Variants in AFAP1 observed in about 807,000 individuals in gnomAD.
AFAP1 encodes actin filament associated protein 1.
Under a neutral mutation model 93.9 loss-of-function variants are expected in AFAP1, and 75 were observed. The observed-to-expected ratio is 0.80, with a 90% CI of 0.66 to 0.97. AFAP1 has a LOEUF of 0.97. AFAP1 is among the 50% of genes least tolerant of loss of function. AFAP1 has a pLI of 0.00. For missense variants in AFAP1, 1,201 were observed against 1,050.8 expected (o/e 1.14, Z -1.98); for synonymous variants, 517 against 430.7 (o/e 1.20, Z -2.48).
At chr4:7,801,237 A>G (rs989470951) in intron 9 of AFAP1, among the ~76,000 whole-genome samples, 3 of 152,232 alleles carry the variant, frequency 2.0e-5, no homozygotes, top group Non-Finnish European at 2.9e-5. Context: ...TTCCCACCTG[A>G]GGCTGAGGAC....
At chr4:7,868,394 T>C (rs1419483668) in intron 3 of AFAP1, among the ~76,000 whole-genome samples, 1 of 152,142 alleles carries the variant, frequency 6.6e-6, no homozygotes, top group Non-Finnish European at 1.5e-5. Flanking sequence ...TATGGTGGTG[T>C]GAGGCAGTGC....
intron 1 of AFAP1, among the ~76,000 whole-genome samples, chr4:7,927,492 C>T (rs1181231950): frequency 1.3e-5 from 2 of 152,168 alleles, no homozygotes; most frequent in Admixed American, 6.5e-5. Flanking sequence ...AGGAGTTCAA[C>T]GGACACGTAT....
At chr4:7,933,448 C>CT (rs1004094853) in intron 1 of AFAP1, among the ~76,000 whole-genome samples, 1 of 152,182 alleles carries the variant, frequency 6.6e-6, no homozygotes, top group African/African-American at 2.4e-5. Context: ...TGGCAAGCAC[C>CT]TGTAATCCCA....
At chr4:7,912,539 C>T (rs542305613) in intron 1 of AFAP1, among the ~76,000 whole-genome samples, 7 of 152,234 alleles carry the variant, frequency 4.6e-5, no homozygotes, top group South Asian at 2.1e-4. Context: ...ATTTTTCTGA[C>T]GGCTAATGAT....
At chr4:7,936,929 T>C (rs1163285826) in intron 1 of AFAP1, among the ~76,000 whole-genome samples, 1 of 152,162 alleles carries the variant, frequency 6.6e-6, no homozygotes, top group East Asian at 1.9e-4. Context: ...CAAAGCCAAG[T>C]ACATCTACTC....
rs114014983 is a variant in AFAP1, at chr4:7,771,968, G to A, written c.2253+852C>T. Among the ~76,000 whole-genome samples the A allele has an allele frequency of 7.7e-3, 1,175 of 152,282 alleles. 7 individuals are homozygous for A. Among genetic ancestry groups the A allele is most frequent in the Non-Finnish European group, 0.012 (808 of 68,018 alleles). On this transcript the variant is annotated intron_variant, in intron 16 of 17. Transcript: ENST00000420658. ...CAAGTGACTGAAACTCAGGGCTGCC[G>A]TCAACCCATAAATGTGTCAATCTTC...
chr4:7,898,162 C>T (rs557134278), intron 1 of AFAP1, among the ~76,000 whole-genome samples: 6 of 152,272 alleles, frequency 3.9e-5, no homozygotes, highest in African/African-American at 1.4e-4. Context: ...GTAATCCCAG[C>T]ACTTTGGTAG....
chr4:7,916,111 C>G (rs1720072397), intron 1 of AFAP1, among the ~76,000 whole-genome samples: 11 of 152,144 alleles, frequency 7.2e-5, no homozygotes, highest in Admixed American at 7.2e-4. Flanking sequence ...GTTCAGATAC[C>G]AGGAGCACCT....
intron 3 of AFAP1, among the ~76,000 whole-genome samples, chr4:7,864,853 C>A (rs578243831): frequency 6.6e-6 from 1 of 152,318 alleles, no homozygotes; most frequent in Admixed American, 6.5e-5. Flanking sequence ...TGGCTCATGC[C>A]TGTAATTCCA....
At chr4:7,896,591 A>C (rs1258904703) in intron 1 of AFAP1, among the ~76,000 whole-genome samples, 1 of 40,824 alleles carries the variant, frequency 2.4e-5, no homozygotes. Flanking sequence ...CTCAGTCCTC[A>C]CTCCCCCCAC....
At chr4:7,874,163 A>C (rs1283627387) in intron 1 of AFAP1, among the ~76,000 whole-genome samples, 1 of 152,180 alleles carries the variant, frequency 6.6e-6, no homozygotes, top group Non-Finnish European at 1.5e-5. Context: ...CCACCTAAAG[A>C]GCAAAATAAA....
At chr4:7,847,508 G>C (rs1420393092) in intron 4 of AFAP1, among the ~76,000 whole-genome samples, 3 of 152,204 alleles carry the variant, frequency 2.0e-5, no homozygotes, top group Non-Finnish European at 4.4e-5. Flanking sequence ...GAACTCTCTG[G>C]AAAGTATGCT....
chr4:7,838,994 T>C (rs1009775232), intron 5 of AFAP1, among the ~76,000 whole-genome samples: 2 of 152,236 alleles, frequency 1.3e-5, no homozygotes, highest in African/African-American at 2.4e-5. Flanking sequence ...ATACAGTTTA[T>C]GATCCGGTGG....
intron 6 of AFAP1, among the ~76,000 whole-genome samples, chr4:7,828,826 C>T (rs1194085917): frequency 2.0e-5 from 3 of 152,190 alleles, no homozygotes; most frequent in Non-Finnish European, 2.9e-5. Flanking sequence ...AGGTCATAGT[C>T]CCAGGAGTCT....
chr4:7,793,381 C>G (rs183916474), intron 11 of AFAP1, among the ~76,000 whole-genome samples: 13 of 152,162 alleles, frequency 8.5e-5, no homozygotes, highest in African/African-American at 2.9e-4. Context: ...CGTTTATGTA[C>G]GGTGTCCAGC....
chr4:7,780,314 G>C (rs918120596), intron 13 of AFAP1, among the ~76,000 whole-genome samples: 7 of 152,230 alleles, frequency 4.6e-5, no homozygotes, highest in African/African-American at 1.7e-4. Context: ...CTGTGCATTT[G>C]ATTTTTGATG....
At chr4:7,905,986 G>A (rs954415946) in intron 1 of AFAP1, among the ~76,000 whole-genome samples, 2 of 152,198 alleles carry the variant, frequency 1.3e-5, no homozygotes, top group Non-Finnish European at 2.9e-5. Context: ...GGCCAGCCTG[G>A]GGGCCTGCTG....
rs776763944 is a variant in AFAP1, at chr4:7,768,942, CGGTGTCACT to C, written c.2311_2319del (p.Ser771_Thr773del). On this transcript the variant is annotated inframe_deletion, in exon 17 of 18. Transcript: ENST00000420658. The stretch of plus-strand genomic sequence containing the variant: ...GCGCTGTTCACCGGCACGGGGCCCT[CGGTGTCACT>C]GGTGTCACAGCTGGAGATGGGCGAG... 2 of 1,613,798 alleles carry C rather than the reference CGGTGTCACT, an allele frequency of 1.2e-6. No individual in the cohort carries two copies. Among genetic ancestry groups the C allele is most frequent in the African/African-American group, 1.3e-5 (1 of 74,928 alleles).
intron 6 of AFAP1, among the ~76,000 whole-genome samples, chr4:7,821,999 G>T (rs760932596): frequency 2.4e-4 from 37 of 152,226 alleles, no homozygotes; most frequent in Non-Finnish European, 4.8e-4. Flanking sequence ...CCTCAATGCA[G>T]TGATCTGTGT....
Sources: allele counts gnomAD v4.1 joint callset (sites outside exome capture counted in the v4.1 genomes callset), GRCh38; gene constraint gnomAD v4.1.1; transcripts MANE v1.5; gene names NCBI Gene and HGNC (gene_info 2026-07-23, HGNC 2026-07-21).